The following GLIS1 variants were observed in gnomAD, a reference collection of about 807,000 sequenced individuals.
GLIS1 encodes zinc finger protein GLIS1.
GLIS1 carries 24 observed loss-of-function variants against 63.8 expected under a neutral mutation model. That is an observed-to-expected ratio of 0.38 (90% CI 0.27 to 0.53). GLIS1 has a LOEUF of 0.53. Ranked by LOEUF, GLIS1 falls within the 20% of genes least tolerant of loss-of-function variation. The pLI, the probability that GLIS1 is intolerant of heterozygous loss-of-function variation, is 0.85. For synonymous variants in GLIS1, 450 were observed against 482.5 expected (o/e 0.93, Z 0.88); for missense variants, 1,036 against 1,074.1 (o/e 0.96, Z 0.50).
intron 4 of GLIS1, among the ~76,000 whole-genome samples, chr1:53,565,505 CA>C (rs1352370125): frequency 6.6e-6 from 1 of 150,742 alleles, no homozygotes; most frequent in Non-Finnish European, 1.5e-5. Flanking sequence ...AAAGAAGGCA[CA>C]AAAAAAGGAA....
chr1:53,652,087 G>A (rs934697095), intron 2 of GLIS1, among the ~76,000 whole-genome samples: 2 of 152,176 alleles, frequency 1.3e-5, no homozygotes, highest in South Asian at 2.1e-4. Flanking sequence ...TTCAGAGTCC[G>A]AAAGACCAGG....
Position 53,714,579 on chromosome 1 carries a change from T to C in GLIS1, c.259+23227A>G, listed in dbSNP as rs867126194. On this transcript the variant is annotated intron_variant, in intron 2 of 10. Transcript: ENST00000628545. ...ATGGTCTGAAAGATGGTCCCCATCT[T>C]TTCCACTGTACCAGCTGCGGGCAGC... Among the ~76,000 whole-genome samples, 3 of 152,330 alleles carry C rather than the reference T, an allele frequency of 2.0e-5. 1 individual carries two copies. The highest frequency in any genetic ancestry group is 6.8e-3 in the Middle Eastern group (2 of 294).
intron 4 of GLIS1, among the ~76,000 whole-genome samples, chr1:53,531,297 G>T (rs935500693): frequency 6.6e-6 from 1 of 152,218 alleles, no homozygotes; most frequent in Non-Finnish European, 1.5e-5. Context: ...CTGACCCAGG[G>T]GCCAGCATGG....
rs1227416021 is a variant in GLIS1 at position 53,593,430 on chromosome 1, CGT to C, written c.1320+676_1320+677del. Among the ~76,000 whole-genome samples the C allele has an allele frequency of 3.9e-5, 6 of 152,340 alleles. No homozygotes were observed. The South Asian group carries it at 1.2e-3, about 32-fold the overall frequency. ...CCTGAGTACTCACAGTTAATATGCG[CGT>C]GTGTGTGCACGCGTGCATGCATGTG... On this transcript the variant is annotated intron_variant, in intron 4 of 10. Coordinates refer to ENST00000628545, the MANE Select transcript of GLIS1 (RefSeq NM_001367484.1).
intron 4 of GLIS1, among the ~76,000 whole-genome samples, chr1:53,567,537 T>C (rs890029178): frequency 9.9e-5 from 15 of 152,196 alleles, no homozygotes; most frequent in Admixed American, 5.2e-4. Flanking sequence ...CGAATGTTAA[T>C]AGCCAAGACA....
At chr1:53,681,343 C>T (rs1646272785) in intron 2 of GLIS1, among the ~76,000 whole-genome samples, 1 of 152,254 alleles carries the variant, frequency 6.6e-6, no homozygotes, top group Admixed American at 6.5e-5. Flanking sequence ...TCCAACAAGG[C>T]AGAGTTTCAG....
chr1:53,575,349 C>T (rs1645023010), intron 4 of GLIS1, among the ~76,000 whole-genome samples: 1 of 152,168 alleles, frequency 6.6e-6, no homozygotes, highest in Non-Finnish European at 1.5e-5. Context: ...TCTACAGTCC[C>T]CCATCACCGG....
At chr1:53,636,967 C>A (rs1364729586) in intron 2 of GLIS1, among the ~76,000 whole-genome samples, 1 of 152,254 alleles carries the variant, frequency 6.6e-6, no homozygotes, top group African/African-American at 2.4e-5. Flanking sequence ...GGGTCCCTAG[C>A]CCCTCACGTA....
intron 4 of GLIS1, among the ~76,000 whole-genome samples, chr1:53,572,358 C>G (rs1396181991): frequency 6.6e-6 from 1 of 152,214 alleles, no homozygotes; most frequent in Admixed American, 6.5e-5. Flanking sequence ...GTATGAAACA[C>G]TGAGCATTTA....
chr1:53,634,134 C>T (rs1322774613), intron 2 of GLIS1, among the ~76,000 whole-genome samples: 1 of 152,096 alleles, frequency 6.6e-6, no homozygotes, highest in Non-Finnish European at 1.5e-5. Flanking sequence ...GGAGAAGGAA[C>T]GGGTTTGGGG....
At chr1:53,621,006 C>A (rs2100595918) in intron 2 of GLIS1, among the ~76,000 whole-genome samples, 1 of 152,282 alleles carries the variant, frequency 6.6e-6, no homozygotes, top group African/African-American at 2.4e-5. Flanking sequence ...TCCATTTTGG[C>A]CCTGGGGATA....
chr1:53,696,955 T>G (rs763108101), intron 2 of GLIS1, among the ~76,000 whole-genome samples: 35 of 152,182 alleles, frequency 2.3e-4, no homozygotes, highest in Non-Finnish European at 2.9e-4. Flanking sequence ...CCACGTGGCA[T>G]CCCCATACAG....
chr1:53,594,954 G>T lies in GLIS1; in HGVS notation c.474C>A (p.Ser158Arg), dbSNP rs1228218812. ...GTTTGATGTGTTGTGTGGTTGGGAGGCTGCCGTTCACATACGTGGCCTGGG... is the reference window on the plus strand; with the variant it reads ...GTTTGATGTGTTGTGTGGTTGGGAGTCTGCCGTTCACATACGTGGCCTGGG... ...PRPQATYVNG[S>R]LPTTQHIKQE... The change falls in exon 4 of 11, where the codon AGC becomes AGA. Residue 158 changes from serine to arginine, a missense_variant. Coordinates refer to ENST00000628545, the MANE Select transcript of GLIS1 (RefSeq NM_001367484.1). The T allele has an allele frequency of 2.0e-6, 3 of 1,464,034 alleles. No homozygotes were observed. The highest frequency in any genetic ancestry group is 2.7e-6 in the Non-Finnish European group (3 of 1,114,796). The allele number at this position is 1,464,034 out of a possible 1,614,324, so 90.7% of individuals were successfully genotyped here. A position where few individuals can be genotyped will look rare whatever the true frequency, so the allele number is the denominator to read the frequency against.
chr1:53,595,115 T>G, intron 3 of GLIS1, 125 bp from the exon 4 acceptor site: 1 of 783,484 alleles, frequency 1.3e-6, no homozygotes. Context: ...AGGCAGAGGC[T>G]GAGGGCTAGA....
intron 7 of GLIS1, among the ~76,000 whole-genome samples, chr1:53,518,926 G>C (rs1644379408): frequency 6.6e-6 from 1 of 152,226 alleles, no homozygotes; most frequent in South Asian, 2.1e-4. Flanking sequence ...ATGACCTTAG[G>C]TGATTCCTTC....
intron 2 of GLIS1, among the ~76,000 whole-genome samples, chr1:53,660,356 G>A (rs1335455046): frequency 6.6e-6 from 1 of 152,160 alleles, no homozygotes; most frequent in South Asian, 2.1e-4. Flanking sequence ...CATCCAGCAC[G>A]TATTATGTGC....
intron 4 of GLIS1, among the ~76,000 whole-genome samples, chr1:53,551,934 A>G (rs1384606312): frequency 1.3e-5 from 2 of 151,748 alleles, no homozygotes; most frequent in African/African-American, 4.8e-5. Flanking sequence ...CTGCAGAAGC[A>G]CTCCATATTC....
At chr1:53,663,142 C>T (rs1646047526) in intron 2 of GLIS1, among the ~76,000 whole-genome samples, 1 of 152,208 alleles carries the variant, frequency 6.6e-6, no homozygotes. Flanking sequence ...CCACCCTAGT[C>T]CAGACCCCCA....
intron 4 of GLIS1, among the ~76,000 whole-genome samples, chr1:53,538,359 T>C (rs1368723676): frequency 6.6e-6 from 1 of 152,148 alleles, no homozygotes; most frequent in African/African-American, 2.4e-5. Flanking sequence ...AGCTATCACA[T>C]TGACCATGTG....
Sources: allele counts gnomAD v4.1 joint callset (sites outside exome capture counted in the v4.1 genomes callset), GRCh38; gene constraint gnomAD v4.1.1; transcripts MANE v1.5; gene names NCBI Gene and HGNC (gene_info 2026-07-23, HGNC 2026-07-21).